Variants in SOX5 observed in about 807,000 individuals in gnomAD.
SOX5 encodes the protein SRY-box transcription factor 5, also known as transcription factor SOX-5.
SOX5 carries 9 observed loss-of-function variants against 92.0 expected under a neutral mutation model. The observed-to-expected ratio is 0.10, with a 90% CI of 0.06 to 0.17. The LOEUF is 0.17. Ranked by LOEUF, SOX5 falls within the 10% of genes least tolerant of loss-of-function variation. The pLI is 1.00. For missense variants in SOX5, 642 were observed against 944.5 expected (o/e 0.68, Z 4.20); for synonymous variants, 344 against 336.3 (o/e 1.02, Z -0.25).
intron 2 of SOX5, among the ~76,000 whole-genome samples, chr12:24,356,499 C>A (rs531926357): frequency 6.6e-6 from 1 of 152,196 alleles, no homozygotes; most frequent in South Asian, 2.1e-4. Flanking sequence ...GTTTGACAGG[C>A]TGAAATAACG....
intron 6 of SOX5, among the ~76,000 whole-genome samples, chr12:23,697,465 A>G (rs922718996): frequency 1.3e-5 from 2 of 152,212 alleles, no homozygotes; most frequent in Non-Finnish European, 2.9e-5. Flanking sequence ...TGCAGACAAC[A>G]TACAGGTGTG....
At chr12:24,394,414 C>T (rs911936624) in intron 1 of SOX5, among the ~76,000 whole-genome samples, 5 of 152,098 alleles carry the variant, frequency 3.3e-5, no homozygotes, top group Admixed American at 1.3e-4. Flanking sequence ...GGAGCCCGGC[C>T]GCCACTGATG....
At chr12:24,562,270 T>A (rs1315312771) in intron 1 of SOX5, 1 of 152,226 alleles carries the variant, frequency 6.6e-6, no homozygotes, top group Non-Finnish European at 1.5e-5. Flanking sequence ...CTCTGCGCCT[T>A]GGAGGTCTGC....
chr12:23,619,652 C>T (rs935018207), intron 8 of SOX5, among the ~76,000 whole-genome samples: 5 of 152,038 alleles, frequency 3.3e-5, no homozygotes, highest in South Asian at 2.1e-4. Context: ...TGATAAAAAG[C>T]GATAGTATTG....
chr12:24,511,656 T>G (rs950092248), intron 1 of SOX5, among the ~76,000 whole-genome samples: 20 of 152,214 alleles, frequency 1.3e-4, no homozygotes, highest in Admixed American at 4.6e-4. Flanking sequence ...AACGACATTT[T>G]ATTTTTTTTA....
chr12:24,095,114 C>CAG (rs1945170447), intron 4 of SOX5, among the ~76,000 whole-genome samples: 2 of 96,610 alleles, frequency 2.1e-5, no homozygotes, highest in East Asian at 9.5e-4. Context: ...CACACACACA[C>CAG]ACACACACAC....
intron 3 of SOX5, among the ~76,000 whole-genome samples, chr12:24,236,018 C>T (rs868496127): frequency 2.0e-5 from 3 of 151,800 alleles, no homozygotes; most frequent in Non-Finnish European, 4.4e-5. Flanking sequence ...TAAAACCCCA[C>T]CTCTACTAAA....
chr12:23,734,088 CT>C (rs1162464468), intron 6 of SOX5, among the ~76,000 whole-genome samples: 1 of 152,176 alleles, frequency 6.6e-6, no homozygotes, highest in African/African-American at 2.4e-5. Context: ...TCACTGGAAA[CT>C]TTTTTTCTTT....
chr12:24,070,234 A>G (rs1941545058), intron 4 of SOX5, among the ~76,000 whole-genome samples: 1 of 151,946 alleles, frequency 6.6e-6, no homozygotes, highest in South Asian at 2.1e-4. Context: ...CTCCCCCTCC[A>G]TTTCCACCCC....
chr12:23,789,031 C>T (rs1360056373), intron 3 of SOX5, among the ~76,000 whole-genome samples: 2 of 151,836 alleles, frequency 1.3e-5, no homozygotes, highest in Non-Finnish European at 2.9e-5. Context: ...AGAGCTGCCA[C>T]ATTTAAATAA....
chr12:24,238,326 C>A (rs1005580378), intron 3 of SOX5, among the ~76,000 whole-genome samples: 3 of 152,076 alleles, frequency 2.0e-5, no homozygotes, highest in African/African-American at 2.4e-5. Flanking sequence ...CTATAGGGAG[C>A]CATGCTCTGC....
In SOX5 at chr12:23,835,178, G is replaced by A. The variant is rs192305799; in HGVS notation, c.481+10805C>T. On this transcript the variant is annotated intron_variant, in intron 3 of 14. Coordinates refer to ENST00000451604, the MANE Select transcript of SOX5 (RefSeq NM_006940.6). ...ACTTATTGGCAAAATTAAGATAGTCGGTTGCCTTCGATTTGTTTAAATTTA... is the reference window on the plus strand; with the variant it reads ...ACTTATTGGCAAAATTAAGATAGTCAGTTGCCTTCGATTTGTTTAAATTTA... Among the ~76,000 whole-genome samples the A allele has an allele frequency of 1.1e-4, 17 of 151,828 alleles. No individual in the cohort carries two copies. The East Asian group carries it at 2.9e-3, about 26-fold the overall frequency.
intron 6 of SOX5, among the ~76,000 whole-genome samples, chr12:23,704,408 A>C (rs918710589): frequency 8.6e-5 from 13 of 151,704 alleles, no homozygotes; most frequent in Admixed American, 6.6e-4. Context: ...ATTATGTATA[A>C]ATGTTTTTCT....
intron 3 of SOX5, among the ~76,000 whole-genome samples, chr12:24,245,336 A>G (rs1008713279): frequency 8.7e-5 from 13 of 149,594 alleles, no homozygotes; most frequent in African/African-American, 3.2e-4. Flanking sequence ...AACAGGACTT[A>G]GAGAAATATT....
chr12:23,883,834 G>A (rs900827460), intron 2 of SOX5, among the ~76,000 whole-genome samples: 7 of 152,148 alleles, frequency 4.6e-5, no homozygotes, highest in African/African-American at 1.7e-4. Context: ...GCAAAATAAT[G>A]TCTGCAAATA....
chr12:24,458,477 A>C (rs1333111166), intron 1 of SOX5, among the ~76,000 whole-genome samples: 1 of 152,144 alleles, frequency 6.6e-6, no homozygotes, highest in Non-Finnish European at 1.5e-5. Context: ...CGCCAAAATC[A>C]GCTGGAGAGC....
intron 10 of SOX5, among the ~76,000 whole-genome samples, chr12:23,570,037 A>G (rs773989203): frequency 2.3e-4 from 35 of 152,306 alleles, no homozygotes; most frequent in Admixed American, 1.2e-3. Flanking sequence ...CTGTCTTCTT[A>G]TCAATAGAAG....
intron 13 of SOX5, 57 bp from the exon 14 acceptor site, chr12:23,536,726 G>C: frequency 7.7e-7 from 1 of 1,298,356 alleles, no homozygotes. Flanking sequence ...ATTCCAGAAA[G>C]TGATATGGCT....
intron 4 of SOX5, among the ~76,000 whole-genome samples, chr12:24,160,719 C>T (rs2138979733): frequency 6.6e-6 from 1 of 152,166 alleles, no homozygotes; most frequent in African/African-American, 2.4e-5. Flanking sequence ...GTGTTTTCTT[C>T]TGTAGATTTT....
Sources: allele counts gnomAD v4.1 joint callset (sites outside exome capture counted in the v4.1 genomes callset), GRCh38; gene constraint gnomAD v4.1.1; transcripts MANE v1.5; gene names NCBI Gene and HGNC (gene_info 2026-07-23, HGNC 2026-07-21).